GALNTL6: variants seen among roughly 807,000 people sequenced by gnomAD.
GALNTL6 encodes polypeptide N-acetylgalactosaminyltransferase-like 6.
Under a neutral mutation model 73.7 loss-of-function variants are expected in GALNTL6, and 46 were observed. The ratio of observed to expected loss-of-function variants is 0.62; its 90% CI spans 0.49 to 0.80. The LOEUF is 0.80. Among genes scored for constraint, GALNTL6 ranks in the 30% least tolerant of loss-of-function variants. The pLI is 0.00. For missense variants in GALNTL6, 604 were observed against 755.0 expected (o/e 0.80, Z 2.34); for synonymous variants, 259 against 263.7 (o/e 0.98, Z 0.17).
intron 3 of GALNTL6, among the ~76,000 whole-genome samples, chr4:172,309,167 T>C (rs1300895606): frequency 6.6e-6 from 1 of 152,150 alleles, no homozygotes; most frequent in Non-Finnish European, 1.5e-5. Context: ...AGGTTTCCAG[T>C]CTGCTTTTTG....
intron 5 of GALNTL6, among the ~76,000 whole-genome samples, chr4:172,761,359 T>A (rs748264838): frequency 1.3e-5 from 2 of 152,188 alleles, no homozygotes; most frequent in African/African-American, 2.4e-5. Context: ...TTTAAAGTAA[T>A]CAGTATTATA....
At chr4:173,016,310 C>A (rs1204932725) in intron 11 of GALNTL6, among the ~76,000 whole-genome samples, 2 of 152,188 alleles carry the variant, frequency 1.3e-5, no homozygotes, top group African/African-American at 2.4e-5. Context: ...ATCCTCCAGA[C>A]CCCAGTATGG....
chr4:172,620,508 T>C (rs2111070154), intron 5 of GALNTL6, among the ~76,000 whole-genome samples: 2 of 152,302 alleles, frequency 1.3e-5, no homozygotes, highest in Admixed American at 1.3e-4. Flanking sequence ...TATCAATTGT[T>C]CTAACACAAA....
At chr4:172,848,585 CTCT>C (rs1343683216) in intron 7 of GALNTL6, among the ~76,000 whole-genome samples, 1 of 152,152 alleles carries the variant, frequency 6.6e-6, no homozygotes, top group African/African-American at 2.4e-5. Flanking sequence ...TTCTTTGGCT[CTCT>C]GAGCAAGTTT....
chr4:171,968,421 A>ACACC (rs1364391749), intron 2 of GALNTL6, among the ~76,000 whole-genome samples: 1 of 152,004 alleles, frequency 6.6e-6, no homozygotes, highest in African/African-American at 2.4e-5. Context: ...TTTAAACACA[A>ACACC]CACCGTAATC....
intron 5 of GALNTL6, among the ~76,000 whole-genome samples, chr4:172,779,510 G>C (rs1268370006): frequency 6.6e-6 from 1 of 152,124 alleles, no homozygotes; most frequent in Non-Finnish European, 1.5e-5. Flanking sequence ...GTGGTGTATG[G>C]CTGAAATGAG....
intron 3 of GALNTL6, among the ~76,000 whole-genome samples, chr4:172,231,072 A>T (rs545858462): frequency 5.3e-5 from 8 of 152,062 alleles, no homozygotes; most frequent in Non-Finnish European, 1.2e-4. Context: ...TCAGAGCGTC[A>T]ACTTCTTCTA....
chr4:172,542,412 GTTCT>G (rs1301271310), intron 5 of GALNTL6, among the ~76,000 whole-genome samples: 2 of 152,086 alleles, frequency 1.3e-5, no homozygotes, highest in Admixed American at 1.3e-4. Flanking sequence ...TTTACAGGGC[GTTCT>G]TTGTTAGAAA....
chr4:172,931,335 T>C, intron 9 of GALNTL6, 67 bp downstream of exon 9: 1 of 895,444 alleles, frequency 1.1e-6, no homozygotes, highest in Non-Finnish European at 1.9e-6. Context: ...TAACCAACCT[T>C]GCCCATGGCA....
chr4:172,394,992 G>A (rs2111310802), intron 5 of GALNTL6, among the ~76,000 whole-genome samples: 1 of 152,278 alleles, frequency 6.6e-6, no homozygotes, highest in Non-Finnish European at 1.5e-5. Flanking sequence ...AAGGTGCTAG[G>A]ATGAACAGCA....
intron 2 of GALNTL6, among the ~76,000 whole-genome samples, chr4:172,091,892 A>G (rs1029095244): frequency 6.6e-6 from 1 of 152,222 alleles, no homozygotes; most frequent in Non-Finnish European, 1.5e-5. Flanking sequence ...AGTCATAAAT[A>G]TAATTTCATT....
At chr4:172,610,792 G>C (rs2111048351) in intron 5 of GALNTL6, among the ~76,000 whole-genome samples, 1 of 152,204 alleles carries the variant, frequency 6.6e-6, no homozygotes, top group East Asian at 1.9e-4. Context: ...AGGTGGTGAA[G>C]TCTCCCACTA....
At chr4:172,759,961 C>G (rs1181805183) in intron 5 of GALNTL6, among the ~76,000 whole-genome samples, 2 of 150,800 alleles carry the variant, frequency 1.3e-5, no homozygotes, top group Admixed American at 1.3e-4. Flanking sequence ...CTCAGCCTCC[C>G]CAGTAGCTGG....
At chr4:172,495,582 C>G (rs1734045143) in intron 5 of GALNTL6, among the ~76,000 whole-genome samples, 1 of 152,154 alleles carries the variant, frequency 6.6e-6, no homozygotes, top group Non-Finnish European at 1.5e-5. Flanking sequence ...ATTGGTCCAG[C>G]ACTCTATATA....
intron 5 of GALNTL6, among the ~76,000 whole-genome samples, chr4:172,620,828 A>C (rs1202762506): frequency 6.6e-6 from 1 of 152,178 alleles, no homozygotes; most frequent in Non-Finnish European, 1.5e-5. Context: ...ATTTCAAGGT[A>C]TTTTCCACAG....
intron 2 of GALNTL6, among the ~76,000 whole-genome samples, chr4:172,157,206 A>G (rs918642919): frequency 1.3e-5 from 2 of 152,224 alleles, no homozygotes; most frequent in Non-Finnish European, 2.9e-5. Flanking sequence ...GACAATAGTT[A>G]CCCTCACTGC....
At chr4:172,626,759 T>C (rs1389608753) in intron 5 of GALNTL6, among the ~76,000 whole-genome samples, 1 of 152,140 alleles carries the variant, frequency 6.6e-6, no homozygotes, top group Non-Finnish European at 1.5e-5. Context: ...GTGACTATTG[T>C]AAATGGCATT....
At chr4:172,374,562 A>G (rs1208664329) in intron 5 of GALNTL6, among the ~76,000 whole-genome samples, 1 of 152,190 alleles carries the variant, frequency 6.6e-6, no homozygotes, top group African/African-American at 2.4e-5. Flanking sequence ...GACATCATTG[A>G]GTAATTCATG....
chr4:171,873,278 A>G (rs1210055601), intron 2 of GALNTL6, among the ~76,000 whole-genome samples: 3 of 152,148 alleles, frequency 2.0e-5, no homozygotes, highest in Non-Finnish European at 2.9e-5. Context: ...GCATTCATTG[A>G]TATTTACTAT....
Sources: allele counts gnomAD v4.1 joint callset (sites outside exome capture counted in the v4.1 genomes callset), GRCh38; gene constraint gnomAD v4.1.1; transcripts MANE v1.5; gene names NCBI Gene and HGNC (gene_info 2026-07-23, HGNC 2026-07-21).